The following HTR4 variants were observed in gnomAD, a reference collection of about 807,000 sequenced individuals.
HTR4 encodes 5-hydroxytryptamine receptor 4, also known as 5-hydroxytryptamine (serotonin) receptor 4, G protein-coupled.
A neutral mutation model predicts 36.8 loss-of-function variants in HTR4; 16 were observed. The ratio of observed to expected loss-of-function variants is 0.43; its 90% confidence interval spans 0.29 to 0.66. HTR4 has a LOEUF of 0.66. HTR4 is among the 30% of genes least tolerant of loss of function. The probability of loss-of-function intolerance (pLI) is 0.13; values close to 1 mark genes in which losing one functional copy is unlikely to be tolerated. For synonymous variants in HTR4, 189 were observed against 185.1 expected, an observed-to-expected ratio of 1.02 and a Z score of -0.17; for missense variants, 438 against 490.9, an observed-to-expected ratio of 0.89 and a Z score of 1.02.
intron 2 of HTR4, among the ~76,000 whole-genome samples, chr5:148,616,303 T>C (rs1752687073): frequency 6.6e-6 from 1 of 152,348 alleles, no homozygotes; most frequent in African/African-American, 2.4e-5. Flanking sequence ...ACACAGTGTG[T>C]TATAATGATC....
At chr5:148,550,668 G>C (rs1375746067) in intron 2 of HTR4, among the ~76,000 whole-genome samples, 1 of 152,190 alleles carries the variant, frequency 6.6e-6, no homozygotes, top group Non-Finnish European at 1.5e-5. Context: ...CCAACTTTGT[G>C]TATAAAATGG....
In HTR4 at chr5:148,523,221, C is replaced by G; in HGVS notation, c.479G>C (p.Gly160Ala). 1 of 1,613,646 alleles carries G rather than the reference C, an allele frequency of 6.2e-7. No homozygotes were observed. The highest frequency in any genetic ancestry group is 1.7e-5 in the Admixed American group (1 of 59,948). Reference protein sequence around the residue: ...TFISFLPIMQGWNNIGIIDLI... With the variant: ...TFISFLPIMQAWNNIGIIDLI... ...ATCAATTATGCCAATGTTATTCCAG[C>G]CTTGCATTATAGGGAGAAAAGAAAT... The change falls in exon 5 of 7, where the codon GGC becomes GCC. Residue 160 changes from glycine to alanine, a missense_variant. Gly to Ala is a moderately conservative substitution (Grantham distance 60, BLOSUM62 0). Transcript: ENST00000377888.
chr5:148,578,815 C>T (rs1026056698), intron 2 of HTR4, among the ~76,000 whole-genome samples: 1 of 151,988 alleles, frequency 6.6e-6, no homozygotes, highest in African/African-American at 2.4e-5. Flanking sequence ...ATAGTAAGGC[C>T]TTGATAAATA....
chr5:148,556,927 G>A (rs1759974323), intron 2 of HTR4, among the ~76,000 whole-genome samples: 3 of 152,206 alleles, frequency 2.0e-5, no homozygotes, highest in Admixed American at 2.0e-4. Context: ...GAATTTGGAA[G>A]TCAGAGGAAC....
At chr5:148,527,921 A>G (rs971124442) in intron 4 of HTR4, among the ~76,000 whole-genome samples, 5 of 152,072 alleles carry the variant, frequency 3.3e-5, no homozygotes, top group African/African-American at 1.2e-4. Flanking sequence ...GCCCCCTTAC[A>G]CATTTTACAT....
intron 2 of HTR4, among the ~76,000 whole-genome samples, chr5:148,608,915 G>A (rs952322682): frequency 2.6e-5 from 4 of 152,168 alleles, no homozygotes; most frequent in South Asian, 2.1e-4. Context: ...CCTGATCTTC[G>A]GCCATCAACT....
downstream of HTR4, among the ~76,000 whole-genome samples, chr5:148,472,579 G>T (rs1178737660): frequency 6.6e-6 from 1 of 152,162 alleles, no homozygotes; most frequent in African/African-American, 2.4e-5. Flanking sequence ...GAACACCCAG[G>T]GAGATTATGG....
intron 6 of HTR4, among the ~76,000 whole-genome samples, chr5:148,486,010 T>C (rs1200422109): frequency 6.6e-6 from 1 of 152,202 alleles, no homozygotes; most frequent in Non-Finnish European, 1.5e-5. Flanking sequence ...AAATAAAGAT[T>C]GAAAATACTC....
intron 6 of HTR4, chr5:148,484,216 A>T: frequency 6.3e-7 from 1 of 1,579,686 alleles, no homozygotes; most frequent in Non-Finnish European, 8.6e-7. Flanking sequence ...TTTTCAGGCA[A>T]GGTAAAAAAT....
rs569084061 is a variant in HTR4, at chr5:148,574,135, C to T, written c.27-23873G>A. On this transcript the variant is annotated intron_variant, in intron 2 of 6. Coordinates refer to ENST00000377888, the MANE Select transcript of HTR4 (RefSeq NM_000870.7). The stretch of plus-strand genomic sequence containing the variant: ...TCTCTCCCCAGCAAGAGACAATGAT[C>T]AGAAGAATCAACATAAAGTGAGGGA... 1.8e-4 allele frequency among the ~76,000 whole-genome samples: 27 copies of T among 152,150 alleles called. No individual in the cohort carries two copies. In the South Asian group the frequency reaches 4.3e-3, roughly 25 times the overall value.
At chr5:148,618,256 G>T (rs543810490) in intron 2 of HTR4, among the ~76,000 whole-genome samples, 2 of 152,242 alleles carry the variant, frequency 1.3e-5, no homozygotes, top group East Asian at 1.9e-4. Context: ...AAGAACCCAA[G>T]AGTCAAGGAG....
rs139086789 is a variant in HTR4, at chr5:148,625,968, G to A, written c.26+11021C>T. Reference sequence around the variant, plus strand: ...ATGCACTTCATGAATTCCAAGGCTGGTCTCTACTCATAGCCTATTCCCCTC... The same window carrying A: ...ATGCACTTCATGAATTCCAAGGCTGATCTCTACTCATAGCCTATTCCCCTC... On this transcript the variant is annotated intron_variant, in intron 2 of 6. Coordinates refer to ENST00000377888, the MANE Select transcript of HTR4 (RefSeq NM_000870.7). Among the ~76,000 whole-genome samples, 333 of 151,962 alleles carry A rather than the reference G, an allele frequency of 2.2e-3. 1 individual carries two copies. Among genetic ancestry groups the A allele is most frequent in the Non-Finnish European group, 3.4e-3 (233 of 67,960 alleles).
chr5:148,587,464 G>T (rs371552792), intron 2 of HTR4, among the ~76,000 whole-genome samples: 40 of 152,202 alleles, frequency 2.6e-4, no homozygotes, highest in African/African-American at 8.7e-4. Context: ...GGTTGGGGGG[G>T]TGGTGAAAGA....
At chr5:148,649,732 A>G (rs1055200199) in intron 1 of HTR4, among the ~76,000 whole-genome samples, 1 of 144,550 alleles carries the variant, frequency 6.9e-6, no homozygotes, top group Non-Finnish European at 1.6e-5. Flanking sequence ...GATGCTTAGT[A>G]AGAATGTCAA....
intron 4 of HTR4, among the ~76,000 whole-genome samples, chr5:148,525,034 G>T (rs1426874928): frequency 6.6e-6 from 1 of 152,164 alleles, no homozygotes; most frequent in Non-Finnish European, 1.5e-5. Context: ...GCTTGGTGGG[G>T]TGTCCTGATC....
At chr5:148,594,316 T>C (rs2127261498) in intron 2 of HTR4, among the ~76,000 whole-genome samples, 1 of 151,762 alleles carries the variant, frequency 6.6e-6, no homozygotes, top group Admixed American at 6.6e-5. Flanking sequence ...ATCAATAAGT[T>C]CTTTTCTGGC....
chr5:148,616,501 C>G (rs902413241), intron 2 of HTR4, among the ~76,000 whole-genome samples: 1 of 152,154 alleles, frequency 6.6e-6, no homozygotes, highest in Non-Finnish European at 1.5e-5. Context: ...TGCTAGTGAG[C>G]AACTCCTCTC....
intron 2 of HTR4, among the ~76,000 whole-genome samples, chr5:148,612,620 TA>T (rs1752485209): frequency 9.4e-6 from 1 of 106,016 alleles, no homozygotes; most frequent in African/African-American, 3.7e-5. Flanking sequence ...TTAAAAGAAC[TA>T]GAAAAGCAAG....
chr5:148,491,738 T>G lies in HTR4; in HGVS notation c.1077-8445A>C, dbSNP rs1756454394. Among the ~76,000 whole-genome samples the G allele has an allele frequency of 2.0e-5, 3 of 152,246 alleles. No individual in the cohort carries two copies. The South Asian group carries it at 6.2e-4, about 32-fold the overall frequency. ...CAGTGATCTAAGACATGCAGCTAGA[T>G]CTAAACTTAAAGCATTATCTAATTC... is the stretch of plus-strand genomic sequence containing the variant. On this transcript the variant is annotated intron_variant, in intron 6 of 6. Coordinates refer to ENST00000377888, the MANE Select transcript of HTR4 (RefSeq NM_000870.7).
Sources: allele counts gnomAD v4.1 joint callset (sites outside exome capture counted in the v4.1 genomes callset), GRCh38; gene constraint gnomAD v4.1.1; transcripts MANE v1.5; gene names NCBI Gene and HGNC (gene_info 2026-07-23, HGNC 2026-07-21).